Variants in TBC1D4 observed in about 807,000 individuals in gnomAD.
TBC1D4 encodes TBC1 domain family member 4, also known as TBC (Tre-2, BUB2, CDC16) domain-containing protein.
Under a neutral mutation model 142.5 loss-of-function variants are expected in TBC1D4, and 121 were observed. The ratio of observed to expected loss-of-function variants is 0.85; its 90% confidence interval spans 0.73 to 0.99. TBC1D4 has a LOEUF of 0.99. Ranked by LOEUF, TBC1D4 falls within the 50% of genes least tolerant of loss-of-function variation. The probability of loss-of-function intolerance (pLI) is 0.00; values close to 1 mark genes in which losing one functional copy is unlikely to be tolerated. For synonymous variants in TBC1D4, 630 were observed against 628.2 expected (o/e 1.00, Z -0.04); for missense variants, 1,475 against 1,606.6 (o/e 0.92, Z 1.40).
At chr13:75,333,536 T>C (rs1353264330) in intron 8 of TBC1D4, among the ~76,000 whole-genome samples, 2 of 152,230 alleles carry the variant, frequency 1.3e-5, no homozygotes, top group Non-Finnish European at 2.9e-5. Flanking sequence ...ACAAAAATTT[T>C]TTTTCCCCAC....
intron 4 of TBC1D4, among the ~76,000 whole-genome samples, chr13:75,351,836 C>T (rs943933926): frequency 1.3e-5 from 2 of 151,966 alleles, no homozygotes; most frequent in East Asian, 3.9e-4. Flanking sequence ...TAGGTTGGTT[C>T]CAAGTCTTTG....
intron 1 of TBC1D4, among the ~76,000 whole-genome samples, chr13:75,380,872 CT>C (rs1265912298): frequency 6.6e-6 from 1 of 152,022 alleles, no homozygotes; most frequent in Non-Finnish European, 1.5e-5. Flanking sequence ...TTCCCCCTAC[CT>C]TTTTTTAACT....
intron 10 of TBC1D4, among the ~76,000 whole-genome samples, chr13:75,324,974 T>C (rs572077056): frequency 5.3e-5 from 8 of 152,332 alleles, no homozygotes; most frequent in African/African-American, 1.7e-4. Flanking sequence ...ATTCTTTGCA[T>C]AGCAAGCTTT....
chr13:75,481,195 T>TGCCCCCCC, intron 1 of TBC1D4, 75 bp downstream of exon 1: 1 of 1,292,712 alleles, frequency 7.7e-7, no homozygotes. Context: ...TAAAGTGGGG[T>TGCCCCCCC]CCCCGCCCCT....
intron 1 of TBC1D4, among the ~76,000 whole-genome samples, chr13:75,391,739 T>G (rs1176418825): frequency 6.6e-6 from 1 of 152,170 alleles, no homozygotes; most frequent in Non-Finnish European, 1.5e-5. Flanking sequence ...TACAAGACCC[T>G]GCACCATCTG....
At chr13:75,327,607 T>C (rs1879373291) in intron 9 of TBC1D4, 145 bp downstream of exon 9, 2 of 800,266 alleles carry the variant, frequency 2.5e-6, no homozygotes, top group Non-Finnish European at 4.0e-6. Context: ...GCCTAGAATC[T>C]TCTTAGTTAA....
intron 15 of TBC1D4, 45 bp from the exon 16 acceptor site, chr13:75,302,446 G>A: frequency 6.2e-7 from 1 of 1,610,694 alleles, no homozygotes; most frequent in Non-Finnish European, 8.5e-7. Flanking sequence ...ACTCTGGAAT[G>A]AAGTTGATAG....
At chr13:75,309,663 A>G (rs1477230043) in intron 14 of TBC1D4, among the ~76,000 whole-genome samples, 1 of 152,206 alleles carries the variant, frequency 6.6e-6, no homozygotes. Context: ...TCTACATTCT[A>G]TTTTACCTAA....
chr13:75,359,701 CTTATT>C (rs1437089381), intron 3 of TBC1D4, 63 bp downstream of exon 3: 3 of 1,270,864 alleles, frequency 2.4e-6, no homozygotes, highest in Non-Finnish European at 3.4e-6. Flanking sequence ...GTCAAGCCCA[CTTATT>C]TTATTGTTAA....
chr13:75,388,566 C>G (rs1177034745), intron 1 of TBC1D4, among the ~76,000 whole-genome samples: 1 of 152,194 alleles, frequency 6.6e-6, no homozygotes, highest in East Asian at 1.9e-4. Context: ...ACAGTGACCA[C>G]TAGTAGAGTT....
chr13:75,413,102 C>T (rs908925547), intron 1 of TBC1D4, among the ~76,000 whole-genome samples: 1 of 152,082 alleles, frequency 6.6e-6, no homozygotes, highest in African/African-American at 2.4e-5. Context: ...CATCGGAGCA[C>T]ATAAAGGGGA....
intron 1 of TBC1D4, among the ~76,000 whole-genome samples, chr13:75,363,931 G>T (rs1232885552): frequency 6.6e-6 from 1 of 152,344 alleles, no homozygotes; most frequent in East Asian, 1.9e-4. Flanking sequence ...GCATGACCAT[G>T]ACACAGCCTC....
intron 1 of TBC1D4, among the ~76,000 whole-genome samples, chr13:75,410,161 T>C (rs569804806): frequency 6.6e-6 from 1 of 152,322 alleles, no homozygotes; most frequent in Admixed American, 6.5e-5. Context: ...CAATAAATGG[T>C]ACCTATAATT....
chr13:75,466,315 T>C (rs1888163998), intron 1 of TBC1D4, among the ~76,000 whole-genome samples: 1 of 152,228 alleles, frequency 6.6e-6, no homozygotes, highest in African/African-American at 2.4e-5. Context: ...CAGAGAACGA[T>C]GTGAGAAGGA....
intron 1 of TBC1D4, among the ~76,000 whole-genome samples, chr13:75,411,707 T>A: frequency 6.6e-6 from 1 of 152,052 alleles, no homozygotes; most frequent in East Asian, 1.9e-4. Context: ...ATTTTTTTTT[T>A]TTTTCTTTTT....
At chr13:75,414,443 C>T (rs533315243) in intron 1 of TBC1D4, among the ~76,000 whole-genome samples, 1 of 152,232 alleles carries the variant, frequency 6.6e-6, no homozygotes, top group Non-Finnish European at 1.5e-5. Context: ...TTTTAGTAAG[C>T]TGAAATGAGG....
intron 2 of TBC1D4, among the ~76,000 whole-genome samples, chr13:75,361,184 T>C (rs2138167369): frequency 6.6e-6 from 1 of 152,358 alleles, no homozygotes; most frequent in South Asian, 2.1e-4. Flanking sequence ...ATTATTTTAG[T>C]ATCCAATTCA....
rs1053423912 is a variant in TBC1D4, at chr13:75,366,141, G to A, written c.499-3534C>T. On this transcript the variant is annotated intron_variant, in intron 1 of 20. Transcript: ENST00000377636. ...CTGCCTACAACCCACAGAGCCTAAT[G>A]ACGATTTACACACACCAATTTAAGG... is the stretch of plus-strand genomic sequence containing the variant. 1.3e-4 allele frequency among the ~76,000 whole-genome samples: 20 copies of A among 152,280 alleles called. No homozygotes were observed. The East Asian group carries it at 3.5e-3, about 26-fold the overall frequency.
At chr13:75,421,916 C>T (rs962975866) in intron 1 of TBC1D4, among the ~76,000 whole-genome samples, 3 of 152,328 alleles carry the variant, frequency 2.0e-5, no homozygotes, top group East Asian at 1.9e-4. Context: ...CCTCCCCATA[C>T]ATGGTGTACA....
Sources: allele counts gnomAD v4.1 joint callset (sites outside exome capture counted in the v4.1 genomes callset), GRCh38; gene constraint gnomAD v4.1.1; transcripts MANE v1.5; gene names NCBI Gene and HGNC (gene_info 2026-07-23, HGNC 2026-07-21).